IRAK1BP1: variants seen among roughly 807,000 people sequenced by gnomAD.
IRAK1BP1 encodes the protein interleukin-1 receptor-associated kinase 1-binding protein 1.
IRAK1BP1 carries 24 observed loss-of-function variants against 28.0 expected under a neutral mutation model. The observed-to-expected ratio is 0.86, with a 90% CI of 0.62 to 1.20. IRAK1BP1 has a LOEUF of 1.20. Ranked by LOEUF, IRAK1BP1 falls within the 50% of genes most tolerant of loss-of-function variation. The probability of loss-of-function intolerance (pLI) is 0.00; values close to 1 mark genes in which losing one functional copy is unlikely to be tolerated. For missense variants in IRAK1BP1, 336 were observed against 316.7 expected, an observed-to-expected ratio of 1.06 and a Z score of -0.46; for synonymous variants, 131 against 116.3, an observed-to-expected ratio of 1.13 and a Z score of -0.81.
intron 4 of IRAK1BP1, chr6:78,941,255 A>T: frequency 6.2e-7 from 1 of 1,613,486 alleles, no homozygotes; most frequent in Non-Finnish European, 8.5e-7. Flanking sequence ...TCCCCTCTTC[A>T]CAAGTTTTGA....
chr6:78,931,452 A>C (rs1353164319), intron 4 of IRAK1BP1, among the ~76,000 whole-genome samples: 1 of 152,184 alleles, frequency 6.6e-6, no homozygotes, highest in African/African-American at 2.4e-5. Context: ...CACTAAAATT[A>C]TCTTGGAGAT....
At chr6:78,932,421 C>CTTTTTT (rs386407659) in intron 4 of IRAK1BP1, among the ~76,000 whole-genome samples, 11 of 123,686 alleles carry the variant, frequency 8.9e-5, no homozygotes, top group East Asian at 2.4e-4. Flanking sequence ...CTTTCTTTTT[C>CTTTTTT]TTTTTTTTTT....
intron 1 of IRAK1BP1, among the ~76,000 whole-genome samples, chr6:78,878,363 G>A (rs1028029575): frequency 6.6e-6 from 1 of 152,198 alleles, no homozygotes. Flanking sequence ...TGCAGCCTCC[G>A]CTGCTGATAC....
At chr6:78,956,231 T>C in the IRAK1BP1 span, 1 of 152,142 alleles carries the variant, frequency 6.6e-6, no homozygotes, top group South Asian at 2.1e-4. Context: ...TAACAACATA[T>C]CATTCTTACA....
At chr6:78,969,940 T>A in the IRAK1BP1 span, 1 of 1,569,748 alleles carries the variant, frequency 6.4e-7, no homozygotes, top group East Asian at 2.2e-5. Flanking sequence ...AGAAACAAAT[T>A]GATTAGGTCA....
intron 2 of IRAK1BP1, among the ~76,000 whole-genome samples, chr6:78,888,302 G>T (rs1033743024): frequency 6.6e-6 from 1 of 152,118 alleles, no homozygotes; most frequent in African/African-American, 2.4e-5. Context: ...ACACAGTGTT[G>T]TGCACTTAAA....
intron 1 of IRAK1BP1, among the ~76,000 whole-genome samples, chr6:78,875,118 A>G (rs1256340361): frequency 6.6e-6 from 1 of 152,240 alleles, no homozygotes; most frequent in African/African-American, 2.4e-5. Context: ...GCAGCCAGCA[A>G]ACACATGGAA....
intron 2 of IRAK1BP1, among the ~76,000 whole-genome samples, chr6:78,891,023 T>C (rs936675452): frequency 6.6e-6 from 1 of 152,076 alleles, no homozygotes; most frequent in African/African-American, 2.4e-5. Flanking sequence ...TGTCCCCAGA[T>C]TCAGGGGACA....
chr6:78,881,299 A>G (rs79686395), intron 1 of IRAK1BP1, among the ~76,000 whole-genome samples: 1 of 152,342 alleles, frequency 6.6e-6, no homozygotes, highest in African/African-American at 2.4e-5. Flanking sequence ...TTCTATTCAT[A>G]TGATCTTCTG....
downstream of IRAK1BP1, among the ~76,000 whole-genome samples, chr6:78,949,195 A>C (rs2127685070): frequency 6.6e-6 from 1 of 152,252 alleles, no homozygotes; most frequent in Non-Finnish European, 1.5e-5. Flanking sequence ...GGGTTTTATA[A>C]TGAATTAATG....
intron 4 of IRAK1BP1, chr6:78,937,768 T>TA (rs1773329767): frequency 6.6e-6 from 1 of 151,732 alleles, no homozygotes; most frequent in African/African-American, 2.4e-5. Flanking sequence ...GCTATGTATC[T>TA]ATTGCCCAGG....
the IRAK1BP1 span, among the ~76,000 whole-genome samples, chr6:78,958,884 AGGAGAGTAGAAAGG>A: frequency 1.3e-5 from 2 of 152,076 alleles, no homozygotes; most frequent in African/African-American, 4.8e-5. Context: ...GGGGAGTGGC[AGGAGAGTAGAAAGG>A]GGAGAGTTTT....
At chr6:78,887,220 G>C (rs957360652) in intron 2 of IRAK1BP1, among the ~76,000 whole-genome samples, 3 of 152,110 alleles carry the variant, frequency 2.0e-5, no homozygotes, top group African/African-American at 7.2e-5. Flanking sequence ...AAAAATGAAC[G>C]AAGGACTTGA....
At chr6:78,908,395 G>A (rs1191679509) in intron 4 of IRAK1BP1, among the ~76,000 whole-genome samples, 1 of 152,102 alleles carries the variant, frequency 6.6e-6, no homozygotes, top group Non-Finnish European at 1.5e-5. Flanking sequence ...TGTTGCCCAG[G>A]CTGGAATGCA....
chr6:78,962,013 G>T, the IRAK1BP1 span, among the ~76,000 whole-genome samples: 1 of 151,944 alleles, frequency 6.6e-6, no homozygotes, highest in East Asian at 1.9e-4. Context: ...AATTCTAGGG[G>T]TATTGTTTTA....
At chr6:78,879,225 A>G (rs984453475) in intron 1 of IRAK1BP1, among the ~76,000 whole-genome samples, 75 of 152,158 alleles carry the variant, frequency 4.9e-4, no homozygotes, top group Admixed American at 4.9e-3. Flanking sequence ...GGGTAGGGAT[A>G]GCATTAGGAG....
At chr6:78,961,649 C>A in the IRAK1BP1 span, 1 of 1,596,214 alleles carries the variant, frequency 6.3e-7, no homozygotes, top group Non-Finnish European at 8.6e-7. Context: ...GGAAAGATCA[C>A]CAGCTTTCCT....
At chr6:78,933,019 T>C (rs746584685) in intron 4 of IRAK1BP1, among the ~76,000 whole-genome samples, 1 of 152,052 alleles carries the variant, frequency 6.6e-6, no homozygotes, top group South Asian at 2.1e-4. Context: ...TGACAGAGCA[T>C]GGTAGGGTAG....
downstream of IRAK1BP1, among the ~76,000 whole-genome samples, chr6:78,950,046 G>A (rs916047962): frequency 6.6e-6 from 1 of 152,028 alleles, no homozygotes; most frequent in Non-Finnish European, 1.5e-5. Flanking sequence ...TTCCTCCTGT[G>A]ACCGCACTGA....
Sources: gnomAD v4.1 joint callset for allele counts (sites outside exome capture counted in the v4.1 genomes callset) on GRCh38, gnomAD v4.1.1 for gene constraint, MANE v1.5 for transcripts, NCBI Gene and HGNC (gene_info 2026-07-23, HGNC 2026-07-21) for gene names.